Variants in EGLN1 observed in about 807,000 individuals in gnomAD.
EGLN1 encodes egl nine homolog 1.
In EGLN1, 17 loss-of-function variants were observed where a neutral mutation model predicts 38.3. The observed-to-expected ratio is 0.44, with a 90% CI of 0.30 to 0.67. The LOEUF is 0.67. Ranked by LOEUF, EGLN1 falls within the 30% of genes least tolerant of loss-of-function variation. The pLI is 0.08. For missense variants in EGLN1, 477 were observed against 603.3 expected (o/e 0.79, Z 2.19); for synonymous variants, 283 against 257.5 (o/e 1.10, Z -0.95).
chr1:231,366,596 G>A, intron 4 of EGLN1, 121 bp from the exon 5 acceptor site: 2 of 999,014 alleles, frequency 2.0e-6, no homozygotes, highest in Non-Finnish European at 3.1e-6. Context: ...AACATCATCT[G>A]AGAACTATCA....
At chr1:231,386,114 C>A (rs1338671283) in intron 1 of EGLN1, among the ~76,000 whole-genome samples, 1 of 104,394 alleles carries the variant, frequency 9.6e-6, no homozygotes, top group African/African-American at 2.7e-5. Flanking sequence ...CCATGCCCGG[C>A]TGGTTTTTTT....
At position 231,421,880 on chromosome 1, in the gene EGLN1, A is replaced by G; in HGVS notation, c.9T>C (p.Asn3=). The change falls in exon 1 of 5, where the codon AAT becomes AAC. Residue 3 remains asparagine (N), a synonymous_variant. Coordinates refer to ENST00000366641, the MANE Select transcript of EGLN1 (RefSeq NM_022051.3). The surrounding 1 kb of genome is among the most constrained non-coding windows in gnomAD (Gnocchi z 5.5). MA[N]DSGGPGGPSP... is the part of the protein sequence containing the mutation. ...TCGGCCCGCCGGGCCCGCCGCTGTC[A>G]TTGGCCATGGCGGCGGCGGCGGCGG... The G allele has an allele frequency of 6.7e-7, 1 of 1,483,552 alleles. No individual in the cohort carries two copies. Among genetic ancestry groups the G allele is most frequent in the Non-Finnish European group, 8.9e-7 (1 of 1,125,024 alleles). 91.9% of individuals were successfully genotyped at this position (1,483,552 alleles called of 1,614,324 possible).
rs552920401 is a variant in EGLN1 at position 231,387,257 on chromosome 1, C to CACACACA, written c.892-13159_892-13158insTGTGTGT. On this transcript the variant is annotated intron_variant, in intron 1 of 4. Coordinates refer to ENST00000366641, the MANE Select transcript of EGLN1 (RefSeq NM_022051.3). ...TGTATACACACACACACACACACACCCCCCTAATTAAATAAAGACAGAATA... is the reference window on the plus strand; with the variant it reads ...TGTATACACACACACACACACACACCACACACACCCCTAATTAAATAAAGACAGAATA... Among the ~76,000 whole-genome samples, 759 of 149,296 alleles carry CACACACA rather than the reference C, an allele frequency of 5.1e-3. 5 individuals are homozygous for CACACACA. Among genetic ancestry groups the CACACACA allele is most frequent in the African/African-American group, 0.013 (523 of 39,712 alleles).
chr1:231,381,975 C>A (rs1267562346), intron 1 of EGLN1, among the ~76,000 whole-genome samples: 1 of 152,234 alleles, frequency 6.6e-6, no homozygotes, highest in Non-Finnish European at 1.5e-5. Context: ...CAACCTCATT[C>A]TAGCCCATGC....
chr1:231,416,436 A>AAT (rs1553256876), intron 1 of EGLN1, among the ~76,000 whole-genome samples: 19,958 of 141,772 alleles, frequency 0.14, 1,645 homozygotes, highest in African/African-American at 0.22. Context: ...CAAAAAAAAA[A>AAT]TTTTTTTTTT....
chr1:231,395,075 T>C (rs1440847188), intron 1 of EGLN1, among the ~76,000 whole-genome samples: 1 of 152,154 alleles, frequency 6.6e-6, no homozygotes, highest in African/African-American at 2.4e-5. Context: ...TTGGGAGCAA[T>C]ATTTAGAGAA....
chr1:231,399,571 A>G (rs953249534), intron 1 of EGLN1, among the ~76,000 whole-genome samples: 4 of 152,238 alleles, frequency 2.6e-5, no homozygotes, highest in African/African-American at 7.2e-5. Flanking sequence ...AGGAGAATAA[A>G]GCCAACAGGG....
At chr1:231,375,760 C>T (rs1219629196) in intron 1 of EGLN1, among the ~76,000 whole-genome samples, 1 of 152,124 alleles carries the variant, frequency 6.6e-6, no homozygotes, top group Non-Finnish European at 1.5e-5. Context: ...TTGTCACTAG[C>T]TACCCAGGAA....
rs551144196 is a variant in EGLN1 at position 231,422,262 on chromosome 1, G to A, written c.-374C>T. ...CCGGCCCAGGCTGTGGAGGAGCGCA[G>A]GGCATACGGGCGCCACTCGCTCTGC... On this transcript the variant is annotated 5_prime_UTR_variant, in exon 1 of 5. Transcript: ENST00000366641. 58 of 159,806 alleles carry A rather than the reference G, an allele frequency of 3.6e-4. No individual in the cohort carries two copies. In the South Asian group the frequency reaches 3.7e-3, roughly 10 times the overall value. The allele number at this position is 159,806 out of a possible 1,614,324, so 9.9% of individuals were successfully genotyped here.
chr1:231,416,436 A>T (rs7539033), intron 1 of EGLN1, among the ~76,000 whole-genome samples: 22,529 of 141,828 alleles, frequency 0.16, 1,750 homozygotes, highest in Non-Finnish European at 0.17. Flanking sequence ...CAAAAAAAAA[A>T]TTTTTTTTTT....
At chr1:231,394,907 T>C (rs1323862608) in intron 1 of EGLN1, among the ~76,000 whole-genome samples, 2 of 152,192 alleles carry the variant, frequency 1.3e-5, no homozygotes, top group Non-Finnish European at 2.9e-5. Context: ...AGAGACATTC[T>C]TTCTCCTATA....
intron 1 of EGLN1, among the ~76,000 whole-genome samples, chr1:231,395,371 A>G (rs184075897): frequency 6.6e-6 from 1 of 152,192 alleles, no homozygotes; most frequent in East Asian, 1.9e-4. Flanking sequence ...CTCGGCCAAA[A>G]GAAGTATCTA....
At chr1:231,413,488 A>C (rs968748563) in intron 1 of EGLN1, among the ~76,000 whole-genome samples, 2 of 152,094 alleles carry the variant, frequency 1.3e-5, no homozygotes, top group South Asian at 4.1e-4. Context: ...TTTAAATGTC[A>C]CCTTATTTTA....
At chr1:231,403,767 CAA>C (rs1167705317) in intron 1 of EGLN1, among the ~76,000 whole-genome samples, 6 of 18,300 alleles carry the variant, frequency 3.3e-4, no homozygotes, top group African/African-American at 4.9e-4. Context: ...GACTCCATCT[CAA>C]AAAAAAAAAA....
chr1:231,404,656 A>C (rs1168152210), intron 1 of EGLN1, among the ~76,000 whole-genome samples: 1 of 152,146 alleles, frequency 6.6e-6, no homozygotes, highest in African/African-American at 2.4e-5. Flanking sequence ...TTTGTGTGTG[A>C]GATTTGATCC....
chr1:231,387,781 T>C (rs959204954), intron 1 of EGLN1, among the ~76,000 whole-genome samples: 1 of 152,190 alleles, frequency 6.6e-6, no homozygotes, highest in Non-Finnish European at 1.5e-5. Context: ...ATCCCATCAA[T>C]ATCTGTCAGG....
intron 1 of EGLN1, among the ~76,000 whole-genome samples, chr1:231,418,525 T>C (rs948742877): frequency 1.3e-5 from 2 of 152,048 alleles, no homozygotes; most frequent in South Asian, 2.1e-4. Context: ...GAGCTGAAAA[T>C]CCCTCAAATG....
At chr1:231,383,781 T>G (rs763240581) in intron 1 of EGLN1, among the ~76,000 whole-genome samples, 11 of 151,904 alleles carry the variant, frequency 7.2e-5, no homozygotes, top group Non-Finnish European at 1.5e-4. Flanking sequence ...ATCGCTTGGG[T>G]TACTTCCTAA....
At position 231,365,237 on chromosome 1, in the gene EGLN1, A is replaced by G. The variant is rs1033750688; in HGVS notation, c.*1174T>C. ...TAGATCACAGTATTAGGAAAAAAAC[A>G]TAACAGCAAATTTGGAAGTACAATC... On this transcript the variant is annotated 3_prime_UTR_variant, in exon 5 of 5. Coordinates refer to ENST00000366641, the MANE Select transcript of EGLN1 (RefSeq NM_022051.3). 1 of 152,230 alleles carries G rather than the reference A, an allele frequency of 6.6e-6. No individual in the cohort carries two copies. Among genetic ancestry groups the G allele is most frequent in the Non-Finnish European group, 1.5e-5 (1 of 68,040 alleles). The allele number at this position is 152,230 out of a possible 1,614,324, so 9.4% of individuals were successfully genotyped here.
Sources: gnomAD v4.1 joint callset for allele counts (sites outside exome capture counted in the v4.1 genomes callset) on GRCh38, gnomAD v4.1.1 for gene constraint, Gnocchi (gnomAD v3.1) non-coding constraint, MANE v1.5 for transcripts, NCBI Gene and HGNC (gene_info 2026-07-23, HGNC 2026-07-21) for gene names.